The following PHKB variants were observed in gnomAD, a reference collection of about 807,000 sequenced individuals.
PHKB encodes phosphorylase kinase regulatory subunit beta.
Under a neutral mutation model 152.1 loss-of-function variants are expected in PHKB, and 122 were observed. The ratio of observed to expected loss-of-function variants is 0.80; its 90% confidence interval spans 0.69 to 0.93. The LOEUF (loss-of-function observed/expected upper bound fraction) is 0.93. Among genes scored for constraint, PHKB ranks in the 40% least tolerant of loss-of-function variants. The probability of loss-of-function intolerance (pLI) is 0.00; values close to 1 mark genes in which losing one functional copy is unlikely to be tolerated. For synonymous variants in PHKB, 436 were observed against 464.9 expected, an observed-to-expected ratio of 0.94 and a Z score of 0.80; for missense variants, 1,304 against 1,328.4, an observed-to-expected ratio of 0.98 and a Z score of 0.29.
chr16:47,696,304 A>G (rs1974145308), intron 28 of PHKB, 77 bp from the exon 29 acceptor site: 1 of 800,480 alleles, frequency 1.2e-6, no homozygotes, highest in Non-Finnish European at 2.2e-6. Context: ...ATTAATGATT[A>G]GAAAATGAAA....
chr16:47,611,471 A>G (rs1487609092), intron 14 of PHKB, among the ~76,000 whole-genome samples: 2 of 152,212 alleles, frequency 1.3e-5, no homozygotes, highest in African/African-American at 4.8e-5. Flanking sequence ...AAATGATACC[A>G]GTAATGAGGA....
chr16:47,568,457 G>A (rs183797492), intron 7 of PHKB, among the ~76,000 whole-genome samples: 93 of 152,034 alleles, frequency 6.1e-4, no homozygotes, highest in Non-Finnish European at 1.3e-4. Flanking sequence ...TGTCATTTTT[G>A]TTTATGTTTT....
At chr16:47,628,686 T>C (rs1267313317) in intron 14 of PHKB, among the ~76,000 whole-genome samples, 4 of 150,354 alleles carry the variant, frequency 2.7e-5, no homozygotes, top group African/African-American at 9.7e-5. Flanking sequence ...AAAGTTCACA[T>C]GGAACCAAAA....
intron 7 of PHKB, among the ~76,000 whole-genome samples, chr16:47,563,994 C>CTTTTTTTTTTT (rs899061752): frequency 2.4e-5 from 2 of 82,052 alleles, no homozygotes; most frequent in Non-Finnish European, 5.2e-5. Flanking sequence ...TTATTTCATT[C>CTTTTTTTTTTT]TTTTTTTTTT....
intron 2 of PHKB, among the ~76,000 whole-genome samples, chr16:47,499,483 A>T (rs961833137): frequency 5.3e-5 from 8 of 152,206 alleles, no homozygotes; most frequent in African/African-American, 1.9e-4. Flanking sequence ...TCTAACACAC[A>T]TTGACATTAC....
At position 47,588,976 on chromosome 16, in the gene PHKB, C is replaced by A. The variant is rs775139159; in HGVS notation, c.942C>A (p.Ser314Arg). 47 of 1,613,722 alleles carry A rather than the reference C, an allele frequency of 2.9e-5. No individual in the cohort carries two copies. The highest frequency in any genetic ancestry group is 3.7e-5 in the Non-Finnish European group (44 of 1,179,698). The change falls in exon 10 of 31, where the codon AGC (serine) becomes AGA (arginine). Residue 314 changes from serine to arginine, a missense_variant. Coordinates refer to ENST00000323584, the MANE Select transcript of PHKB (RefSeq NM_000293.3). Reference sequence around the variant, plus strand: ...CCCTGGATGATGAAGTTCTTTTTAGCCAGACACTTGATAAAGTGGTTAGAA... The same window carrying A: ...CCCTGGATGATGAAGTTCTTTTTAGACAGACACTTGATAAAGTGGTTAGAA... ...AFALDDEVLF[S>R]QTLDKVVRKL...
intron 6 of PHKB, among the ~76,000 whole-genome samples, chr16:47,535,551 A>C (rs926224269): frequency 1.3e-5 from 2 of 152,208 alleles, no homozygotes; most frequent in African/African-American, 4.8e-5. Context: ...TTAGTAACAT[A>C]TGGAGAGAGA....
chr16:47,551,865 T>G (rs954081661), intron 7 of PHKB, among the ~76,000 whole-genome samples: 4 of 152,338 alleles, frequency 2.6e-5, no homozygotes, highest in African/African-American at 9.6e-5. Context: ...TTTGTAGGTC[T>G]CTAAGGGCTT....
intron 6 of PHKB, among the ~76,000 whole-genome samples, chr16:47,519,267 TTC>T (rs1374149637): frequency 5.3e-5 from 8 of 152,210 alleles, no homozygotes; most frequent in African/African-American, 1.2e-4. Context: ...CACATGGAAT[TTC>T]TCTCTTATTG....
intron 8 of PHKB, among the ~76,000 whole-genome samples, chr16:47,582,756 T>G (rs1258618547): frequency 6.6e-6 from 1 of 152,226 alleles, no homozygotes; most frequent in Non-Finnish European, 1.5e-5. Flanking sequence ...TACTACTTGA[T>G]TGTTTCAGAT....
intron 6 of PHKB, among the ~76,000 whole-genome samples, chr16:47,522,609 T>C (rs368936067): frequency 3.9e-5 from 6 of 151,964 alleles, no homozygotes; most frequent in African/African-American, 1.4e-4. Context: ...TTATTTTTTC[T>C]AGTTTCTTGT....
At chr16:47,576,064 G>A (rs1262715745) in intron 7 of PHKB, among the ~76,000 whole-genome samples, 3 of 151,964 alleles carry the variant, frequency 2.0e-5, no homozygotes, top group African/African-American at 4.8e-5. Context: ...CAACAAGAGC[G>A]AAACTCTGTC....
intron 1 of PHKB, among the ~76,000 whole-genome samples, chr16:47,489,426 A>G (rs1434004561): frequency 2.0e-5 from 3 of 152,250 alleles, no homozygotes; most frequent in Non-Finnish European, 4.4e-5. Context: ...TGTTTGCAAC[A>G]TAGACTTTAG....
At position 47,663,565 on chromosome 16, in the gene PHKB, G is replaced by T. The variant is rs1231287951; in HGVS notation, c.2279-112G>T. 1.5e-5 allele frequency: 12 copies of T among 802,468 alleles called. No homozygotes were observed. The Admixed American group carries it at 2.3e-4, about 15-fold the overall frequency. The allele number at this position is 802,468 out of a possible 1,614,324, so 49.7% of individuals were successfully genotyped here. ...TGTTAGTTCAGAACATTAATGGATCGATGTATCAACTCTAGTGAAGCACAG... is the reference window on the plus strand; with the variant it reads ...TGTTAGTTCAGAACATTAATGGATCTATGTATCAACTCTAGTGAAGCACAG... On this transcript the variant is annotated intron_variant, in intron 23 of 30. Transcript: ENST00000323584.
At chr16:47,525,839 A>G (rs908123957) in intron 6 of PHKB, among the ~76,000 whole-genome samples, 1 of 152,216 alleles carries the variant, frequency 6.6e-6, no homozygotes, top group African/African-American at 2.4e-5. Flanking sequence ...GGTGAACAGC[A>G]AGCTTCAACA....
At chr16:47,535,390 T>C (rs1038269914) in intron 6 of PHKB, among the ~76,000 whole-genome samples, 3 of 152,226 alleles carry the variant, frequency 2.0e-5, no homozygotes, top group Non-Finnish European at 2.9e-5. Flanking sequence ...TCAGTGGTCA[T>C]TTATAAACTC....
chr16:47,690,782 C>T lies in PHKB; in HGVS notation c.2765+1607C>T, dbSNP rs536556930. Among the ~76,000 whole-genome samples the T allele has an allele frequency of 2.1e-4, 32 of 152,226 alleles. No homozygotes were observed. In the South Asian group the frequency reaches 6.4e-3, roughly 31 times the overall value. ...TTCATCATTCCAATGTGTTTCCACT[C>T]AAGATGCTTAAATTGTAAAGGAAAA... is the stretch of plus-strand genomic sequence containing the variant. On this transcript the variant is annotated intron_variant, in intron 27 of 30. Transcript: ENST00000323584.
At chr16:47,476,401 TA>T (rs1319571681) in intron 1 of PHKB, among the ~76,000 whole-genome samples, 2 of 152,186 alleles carry the variant, frequency 1.3e-5, no homozygotes, top group African/African-American at 2.4e-5. Context: ...AAATACACAG[TA>T]AGGCTCAATT....
At chr16:47,594,989 C>T (rs924064049) in intron 12 of PHKB, among the ~76,000 whole-genome samples, 3 of 152,060 alleles carry the variant, frequency 2.0e-5, no homozygotes, top group Non-Finnish European at 4.4e-5. Flanking sequence ...CACTAACATG[C>T]TTGTAATGTT....
Sources: allele counts gnomAD v4.1 joint callset (sites outside exome capture counted in the v4.1 genomes callset), GRCh38; gene constraint gnomAD v4.1.1; transcripts MANE v1.5; gene names NCBI Gene and HGNC (gene_info 2026-07-23, HGNC 2026-07-21).